The following ANKS4B variants were observed in gnomAD, a reference collection of about 807,000 sequenced individuals.
ANKS4B encodes the protein ankyrin repeat and SAM domain-containing protein 4B.
In ANKS4B, 21 loss-of-function variants were observed where a neutral mutation model predicts 20.2. That is an observed-to-expected ratio of 1.04 (90% CI 0.74 to 1.50). ANKS4B has a LOEUF of 1.50. Among genes scored for constraint, ANKS4B ranks in the 40% most tolerant of loss-of-function variants. The pLI, the probability that ANKS4B is intolerant of heterozygous loss-of-function variation, is 0.00. For synonymous variants in ANKS4B, 179 were observed against 194.5 expected, an observed-to-expected ratio of 0.92 and a Z score of 0.66; for missense variants, 473 against 494.6, an observed-to-expected ratio of 0.96 and a Z score of 0.41.
At chr16:21,248,959 T>C (rs1420511626) in intron 1 of ANKS4B, among the ~76,000 whole-genome samples, 3 of 152,222 alleles carry the variant, frequency 2.0e-5, no homozygotes, top group Non-Finnish European at 4.4e-5. Flanking sequence ...CCATGGTGGA[T>C]GTATTTACAC....
chr16:21,250,369 G>T lies in ANKS4B; in HGVS notation c.803G>T (p.Arg268Leu), dbSNP rs757608549. Residue 268 changes from arginine (R) to leucine (L), a missense_variant, in exon 2 of 2, where the codon CGT becomes CTT. By Grantham distance (102) the Arg-to-Leu change is moderately radical. Coordinates refer to ENST00000311620, the MANE Select transcript of ANKS4B (RefSeq NM_145865.3). ...GSVHHESILNRPGLGSIVFRR... is the reference protein window; with the variant it reads ...GSVHHESILNLPGLGSIVFRR... ...GTGCACCATGAATCCATTCTCAATC[G>T]TCCAGGTCTAGGAAGTATTGTTTTT... 6.2e-7 allele frequency: 1 copy of T among 1,614,070 alleles called. No individual in the cohort carries two copies. The highest frequency in any genetic ancestry group is 8.5e-7 in the Non-Finnish European group (1 of 1,180,046).
chr16:21,249,525 G>C (rs1005300715), intron 1 of ANKS4B, among the ~76,000 whole-genome samples: 1 of 152,152 alleles, frequency 6.6e-6, no homozygotes, highest in Non-Finnish European at 1.5e-5. Context: ...GGTAGAGATG[G>C]GCTCTGTTTC....
chr16:21,238,302 C>G (rs1187140808), intron 1 of ANKS4B, among the ~76,000 whole-genome samples: 1 of 152,188 alleles, frequency 6.6e-6, no homozygotes, highest in Non-Finnish European at 1.5e-5. Context: ...CTTTTGTGAA[C>G]TGTGTATTTA....
Position 21,249,873 on chromosome 16 carries a change from G to A in ANKS4B, c.307G>A (p.Asp103Asn). The A allele has an allele frequency of 6.2e-7, 1 of 1,614,130 alleles. No homozygotes were observed. The highest frequency in any genetic ancestry group is 8.5e-7 in the Non-Finnish European group (1 of 1,180,040). ...ALDNDLQTPL[D>N]AAASREQNEC... is the part of the protein sequence containing the mutation. ...GGATAATGACTTACAGACTCCACTG[G>A]ATGCTGCTGCCAGCAGGGAGCAGAA... Residue 103 changes from aspartate to asparagine, a missense_variant, in exon 2 of 2, where the codon GAT becomes AAT. Asp to Asn is a conservative substitution (Grantham distance 23). Transcript: ENST00000311620.
intron 1 of ANKS4B, among the ~76,000 whole-genome samples, chr16:21,239,500 G>GAA (rs1163909480): frequency 6.6e-6 from 1 of 152,090 alleles, no homozygotes; most frequent in Non-Finnish European, 1.5e-5. Flanking sequence ...AAAATTGCTT[G>GAA]AACCCGCAAG....
At chr16:21,248,645 G>A (rs1255103721) in intron 1 of ANKS4B, among the ~76,000 whole-genome samples, 1 of 151,876 alleles carries the variant, frequency 6.6e-6, no homozygotes, top group Non-Finnish European at 1.5e-5. Flanking sequence ...CAGGAGAATC[G>A]CTTGAACCTG....
At chr16:21,237,834 T>C (rs2093322053) in intron 1 of ANKS4B, among the ~76,000 whole-genome samples, 1 of 152,118 alleles carries the variant, frequency 6.6e-6, no homozygotes, top group Non-Finnish European at 1.5e-5. Context: ...CTTCAGAAAG[T>C]GAGTACCCAT....
Position 21,250,860 on chromosome 16 carries a change from C to T in ANKS4B, c.*40C>T. ...CTGGAGCATTGGGGTGATGCTGTGG[C>T]CCGCTGGCAGCACTCCAGGCGGCAC... On this transcript the variant is annotated 3_prime_UTR_variant, in exon 2 of 2. Coordinates refer to ENST00000311620, the MANE Select transcript of ANKS4B (RefSeq NM_145865.3). 1 of 1,542,504 alleles carries T rather than the reference C, an allele frequency of 6.5e-7. No homozygotes were observed. Among genetic ancestry groups the T allele is most frequent in the Non-Finnish European group, 8.8e-7 (1 of 1,141,644 alleles).
At chr16:21,236,176 T>C (rs1355597344) in intron 1 of ANKS4B, among the ~76,000 whole-genome samples, 2 of 152,114 alleles carry the variant, frequency 1.3e-5, no homozygotes, top group Non-Finnish European at 2.9e-5. Flanking sequence ...GCATCTCACA[T>C]GGCAGAAGCA....
Position 21,250,740 on chromosome 16 carries a change from A to T in ANKS4B, c.1174A>T (p.Arg392Trp). 1 of 1,609,880 alleles carries T rather than the reference A, an allele frequency of 6.2e-7. No homozygotes were observed. ...LQSIQMQLGPRKKVLNAINRR... is the reference protein window; with the variant it reads ...LQSIQMQLGPWKKVLNAINRR... ...GAGCATACAAATGCAGCTGGGTCCC[A>T]GGAAGAAAGTTCTGAATGCTATCAA... The change falls in exon 2 of 2, where the codon AGG (arginine) becomes TGG (tryptophan). Residue 392 changes from arginine (R) to tryptophan (W), a missense_variant. Transcript: ENST00000311620.
At chr16:21,235,866 C>T (rs2093319691) in intron 1 of ANKS4B, among the ~76,000 whole-genome samples, 1 of 152,152 alleles carries the variant, frequency 6.6e-6, no homozygotes, top group South Asian at 2.1e-4. Flanking sequence ...TCAGACACAT[C>T]GATCCCCATC....
rs761541321 is a variant in ANKS4B, at chr16:21,233,830, C to T, written c.93C>T (p.Asp31=). Residue 31 remains aspartate, a synonymous_variant, in exon 1 of 2, where the codon GAC becomes GAT. Transcript: ENST00000311620. ...TKRDLNLSDE[D]GMTPTLLAAY... is the part of the protein sequence containing the mutation. ...GAGATCTAAATCTTTCGGATGAAGA[C>T]GGCATGACTCCTACTCTCTTGGCAG... is the stretch of plus-strand genomic sequence containing the variant. 45 of 1,613,812 alleles carry T rather than the reference C, an allele frequency of 2.8e-5. No homozygotes were observed. The Admixed American group carries it at 3.3e-4, about 12-fold the overall frequency.
intron 1 of ANKS4B, 97 bp from the exon 2 acceptor site, chr16:21,249,634 C>T (rs527429749): frequency 1.2e-5 from 16 of 1,332,374 alleles, no homozygotes; most frequent in South Asian, 8.9e-5. Flanking sequence ...TTTGTATTAA[C>T]GTGCCTTTTG....
Position 21,249,734 on chromosome 16 carries a change from G to A in ANKS4B, c.168G>A (p.Gly56=). The A allele has an allele frequency of 1.9e-6, 3 of 1,606,138 alleles. No individual in the cohort carries two copies. Among genetic ancestry groups the A allele is most frequent in the Non-Finnish European group, 2.6e-6 (3 of 1,173,938 alleles). ...TTTTTCTCTCTCTCTCTTCTAGAGG[G>A]GACCCTGATAGGTGTGACATCTGGG... ...EALEIICSRG[G]DPDRCDIWGN... is the part of the protein sequence containing the mutation. The change falls in exon 2 of 2, where the codon GGG becomes GGA. Residue 56 remains glycine (G), a synonymous_variant. Coordinates refer to ENST00000311620, the MANE Select transcript of ANKS4B (RefSeq NM_145865.3).
rs577554590 is a variant in ANKS4B at position 21,250,253 on chromosome 16, C to T, written c.687C>T (p.Asn229=). Residue 229 remains asparagine, a synonymous_variant, in exon 2 of 2, where the codon AAC becomes AAT. Transcript: ENST00000311620. ...AGGAAGGCAGAAGTGGGCAGAGGAACGTGATGGAAGTGTTCAGAGAGGAAG... is the reference window on the plus strand; with the variant it reads ...AGGAAGGCAGAAGTGGGCAGAGGAATGTGATGGAAGTGTTCAGAGAGGAAG... The part of the protein sequence containing the change: ...VGKEGRSGQR[N]VMEVFREEEE... 1.9e-5 allele frequency: 30 copies of T among 1,614,070 alleles called. 1 individual carries two copies. In the Admixed American group the frequency reaches 2.0e-4, roughly 11 times the overall value.
At chr16:21,240,925 G>C (rs776931257) in intron 1 of ANKS4B, among the ~76,000 whole-genome samples, 4 of 151,962 alleles carry the variant, frequency 2.6e-5, no homozygotes, top group Non-Finnish European at 4.4e-5. Context: ...CAAGCAGCTG[G>C]AACTACAGGT....
intron 1 of ANKS4B, among the ~76,000 whole-genome samples, chr16:21,236,593 T>G (rs1307689906): frequency 2.0e-5 from 3 of 152,182 alleles, no homozygotes; most frequent in Non-Finnish European, 4.4e-5. Context: ...TTATTTTTAC[T>G]AGAGACAGGG....
intron 1 of ANKS4B, among the ~76,000 whole-genome samples, chr16:21,237,371 C>T (rs899868087): frequency 1.9e-4 from 29 of 152,104 alleles, no homozygotes; most frequent in Admixed American, 7.2e-4. Flanking sequence ...GATCAATTTG[C>T]ATTTGTGTTA....
rs1340067821 is a variant in ANKS4B, at chr16:21,252,827, C to A, written c.*2007C>A. On this transcript the variant is annotated 3_prime_UTR_variant, in exon 2 of 2. Coordinates refer to ENST00000311620, the MANE Select transcript of ANKS4B (RefSeq NM_145865.3). ...TCACCTGAGGTCAGGAGTTCAAGAC[C>A]AGCCTGGCCAACATGGCGGAAACCC... 3 of 152,048 alleles carry A rather than the reference C, an allele frequency of 2.0e-5. No individual in the cohort carries two copies. The highest frequency in any genetic ancestry group is 4.4e-5 in the Non-Finnish European group (3 of 68,020). 9.4% of individuals were successfully genotyped at this position (152,048 alleles called of 1,614,324 possible).
Sources: gnomAD v4.1 joint callset for allele counts (sites outside exome capture counted in the v4.1 genomes callset) on GRCh38, gnomAD v4.1.1 for gene constraint, MANE v1.5 for transcripts, NCBI Gene and HGNC (gene_info 2026-07-23, HGNC 2026-07-21) for gene names.